The following ZPLD1 variants were observed in gnomAD, a reference collection of about 807,000 sequenced individuals.
The protein encoded by ZPLD1 is zona pellucida like domain containing 1, also known as zona pellucida-like domain-containing protein 1.
In ZPLD1, 34 loss-of-function variants were observed where a neutral mutation model predicts 47.2. The ratio of observed to expected loss-of-function variants is 0.72; its 90% CI spans 0.55 to 0.96. The LOEUF (loss-of-function observed/expected upper bound fraction) is 0.96, where lower values mean the gene tolerates loss of function less well. Among genes scored for constraint, ZPLD1 ranks in the 40% least tolerant of loss-of-function variants. ZPLD1 has a pLI of 0.00. For synonymous variants in ZPLD1, 176 were observed against 186.2 expected (o/e 0.95, Z 0.45); for missense variants, 512 against 505.8 (o/e 1.01, Z -0.12).
intron 7 of ZPLD1, among the ~76,000 whole-genome samples, chr3:102,399,493 C>T (rs1381319231): frequency 6.6e-6 from 1 of 151,910 alleles, no homozygotes; most frequent in Admixed American, 6.6e-5. Flanking sequence ...ATGTATGATT[C>T]CTTCTCATCA....
chr3:102,411,211 G>A (rs1706744694), intron 7 of ZPLD1, among the ~76,000 whole-genome samples: 1 of 151,662 alleles, frequency 6.6e-6, no homozygotes, highest in Non-Finnish European at 1.5e-5. Flanking sequence ...GAGGCAAATT[G>A]GATTCTATTT....
At chr3:102,394,177 A>G (rs902083882) in intron 7 of ZPLD1, among the ~76,000 whole-genome samples, 4 of 152,160 alleles carry the variant, frequency 2.6e-5, no homozygotes, top group African/African-American at 9.7e-5. Context: ...GAAATTACCT[A>G]CGGAAGTTAG....
chr3:102,425,897 T>C (rs1706939862), intron 8 of ZPLD1, among the ~76,000 whole-genome samples: 1 of 151,086 alleles, frequency 6.6e-6, no homozygotes, highest in Admixed American at 6.7e-5. Flanking sequence ...TGCAAAGTTC[T>C]ATAACTTAGT....
In ZPLD1 at chr3:102,409,876, T is replaced by C. The variant is rs572370731; in HGVS notation, c.-156-8184T>C. On this transcript the variant is annotated intron_variant, in intron 7 of 17. Coordinates refer to the ZPLD1 transcript ENST00000491959. ...ATCACATGGTTCAAGTGTGGCTATT[T>C]GGTAGTCTTGTGCCTCAGAAAGCAT... Among the ~76,000 whole-genome samples, 56 of 151,990 alleles carry C rather than the reference T, an allele frequency of 3.7e-4. 1 individual carries two copies. In the South Asian group the frequency reaches 0.011, roughly 30 times the overall value.
chr3:102,385,982 T>C (rs1369581044), intron 6 of ZPLD1, among the ~76,000 whole-genome samples: 5 of 152,214 alleles, frequency 3.3e-5, no homozygotes, highest in African/African-American at 1.2e-4. Context: ...TCCACTGGAC[T>C]AGTAAACTTG....
At chr3:102,433,975 T>G (rs1707050558), upstream of ZPLD1, among the ~76,000 whole-genome samples, 1 of 152,222 alleles carries the variant, frequency 6.6e-6, no homozygotes, top group African/African-American at 2.4e-5. Flanking sequence ...ATTTACTTTC[T>G]GAAAATTAGT....
intron 3 of ZPLD1, among the ~76,000 whole-genome samples, chr3:102,446,301 A>G (rs1707254581): frequency 6.6e-6 from 1 of 152,244 alleles, no homozygotes; most frequent in Non-Finnish European, 1.5e-5. Context: ...ATTACACTCC[A>G]TTGGGAAAAT....
chr3:102,458,330 T>A (rs1035783763), intron 6 of ZPLD1, among the ~76,000 whole-genome samples: 6 of 152,198 alleles, frequency 3.9e-5, no homozygotes, highest in Non-Finnish European at 8.8e-5. Flanking sequence ...TCTGAAATAA[T>A]TTGGATTGAC....
intron 7 of ZPLD1, among the ~76,000 whole-genome samples, chr3:102,411,963 T>A (rs906392045): frequency 2.6e-5 from 4 of 151,798 alleles, no homozygotes; most frequent in Admixed American, 2.0e-4. Flanking sequence ...AAGTCCAAAA[T>A]CTGTAGGGCG....
chr3:102,408,263 G>GA (rs34389080), intron 7 of ZPLD1, among the ~76,000 whole-genome samples: 1 of 151,616 alleles, frequency 6.6e-6, no homozygotes, highest in Non-Finnish European at 1.5e-5. Context: ...GAGAAAAAGG[G>GA]AAAAAATGAA....
intron 7 of ZPLD1, among the ~76,000 whole-genome samples, chr3:102,394,827 G>A (rs1706538718): frequency 6.6e-6 from 1 of 152,290 alleles, no homozygotes; most frequent in Non-Finnish European, 1.5e-5. Flanking sequence ...GAAATTGAGA[G>A]TGGTGATGTA....
intron 8 of ZPLD1, among the ~76,000 whole-genome samples, chr3:102,422,655 TTGG>T (rs2107307633): frequency 6.6e-6 from 1 of 151,736 alleles, no homozygotes; most frequent in South Asian, 2.1e-4. Context: ...TTGTGGAGGG[TTGG>T]TGGGCTTGGG....
intron 8 of ZPLD1, among the ~76,000 whole-genome samples, chr3:102,420,931 G>A (rs979635342): frequency 6.6e-6 from 1 of 151,854 alleles, no homozygotes. Context: ...TTCTACTGCT[G>A]TATCTGTGAA....
At chr3:102,417,509 T>C (rs1559745154) in intron 7 of ZPLD1, among the ~76,000 whole-genome samples, 1 of 151,882 alleles carries the variant, frequency 6.6e-6, no homozygotes, top group African/African-American at 2.4e-5. Flanking sequence ...TGGAGGCCCC[T>C]AAACAAAAGC....
chr3:102,432,900 A>G (rs997913443), upstream of ZPLD1, among the ~76,000 whole-genome samples: 2 of 152,166 alleles, frequency 1.3e-5, no homozygotes, highest in Non-Finnish European at 2.9e-5. Flanking sequence ...TTAGTTATAT[A>G]TCTCTGACCA....
intron 3 of ZPLD1, among the ~76,000 whole-genome samples, chr3:102,445,669 A>G (rs1707245678): frequency 6.6e-6 from 1 of 152,222 alleles, no homozygotes; most frequent in Non-Finnish European, 1.5e-5. Context: ...AAGTATAAGA[A>G]GTGCTGGTTA....
chr3:102,462,280 G>A lies in ZPLD1; in HGVS notation c.583-1G>A, dbSNP rs752747620. On this transcript the variant is annotated splice_acceptor_variant, in intron 6 of 11. Coordinates refer to ENST00000466937, the MANE Select transcript of ZPLD1 (RefSeq NM_001329788.2). LOFTEE classifies it high-confidence loss of function. ...TAGATTTTTTATTGTTTCATCATTA[G>A]GATTCAACCTACAACCAGCAGTTAA... is the stretch of plus-strand genomic sequence containing the variant. The A allele has an allele frequency of 2.5e-6, 4 of 1,592,686 alleles. No individual in the cohort carries two copies. The South Asian group carries it at 4.5e-5, about 18-fold the overall frequency.
chr3:102,414,753 A>C (rs1348609983), intron 7 of ZPLD1, among the ~76,000 whole-genome samples: 1 of 151,764 alleles, frequency 6.6e-6, no homozygotes. Flanking sequence ...ATATAAGGGG[A>C]ATTATTTGAA....
chr3:102,409,388 C>G (rs1706726036), intron 7 of ZPLD1, among the ~76,000 whole-genome samples: 3 of 151,756 alleles, frequency 2.0e-5, no homozygotes, highest in Non-Finnish European at 4.4e-5. Context: ...AACACCACCT[C>G]TTAATACTGT....
Sources: gnomAD v4.1 joint callset for allele counts (sites outside exome capture counted in the v4.1 genomes callset) on GRCh38, gnomAD v4.1.1 for gene constraint, MANE v1.5 for transcripts, NCBI Gene and HGNC (gene_info 2026-07-23, HGNC 2026-07-21) for gene names.